SMC5: variants seen among roughly 807,000 people sequenced by gnomAD.
SMC5 encodes the protein structural maintenance of chromosomes protein 5.
Under a neutral mutation model 148.3 loss-of-function variants are expected in SMC5, and 88 were observed. The observed-to-expected ratio is 0.59, with a 90% CI of 0.50 to 0.71. SMC5 has a LOEUF of 0.71. SMC5 is among the 30% of genes least tolerant of loss of function. The probability of loss-of-function intolerance (pLI) is 0.00; values close to 1 mark genes in which losing one functional copy is unlikely to be tolerated. For synonymous variants in SMC5, 421 were observed against 432.8 expected (o/e 0.97, Z 0.34); for missense variants, 1,142 against 1,298.9 (o/e 0.88, Z 1.86).
Position 70,300,129 on chromosome 9 carries a change from G to A in SMC5, c.1393G>A (p.Asp465Asn), listed in dbSNP as rs1423113264. 6.2e-7 allele frequency: 1 copy of A among 1,603,562 alleles called. No homozygotes were observed. Among genetic ancestry groups the A allele is most frequent in the Non-Finnish European group, 8.5e-7 (1 of 1,177,062 alleles). Residue 465 changes from aspartate (D) to asparagine (N), a missense_variant, in exon 10 of 25, where the codon GAT becomes AAT. By Grantham distance (23) the Asp-to-Asn change is conservative. Around this residue, in one of 5 missense-constraint regions of SMC5, gnomAD observed 743 missense variants for 835.7 expected, o/e 0.89. Coordinates refer to ENST00000361138, the MANE Select transcript of SMC5 (RefSeq NM_015110.4). Reference sequence around the variant, plus strand: ...AAGACAGAGATTCCGTGACACGTATGATGCTGTTTTATGGCTAAGAAATAA... The same window carrying A: ...AAGACAGAGATTCCGTGACACGTATAATGCTGTTTTATGGCTAAGAAATAA... ...KLRQRFRDTYDAVLWLRNNRD... is the reference protein window; with the variant it reads ...KLRQRFRDTYNAVLWLRNNRD...
chr9:70,272,469 A>G (rs2034477664), intron 3 of SMC5, among the ~76,000 whole-genome samples: 1 of 152,160 alleles, frequency 6.6e-6, no homozygotes, highest in Admixed American at 6.5e-5. Flanking sequence ...TAATCCCAGC[A>G]CTTAGGGAGG....
At chr9:70,302,725 G>A (rs1587665990) in intron 10 of SMC5, among the ~76,000 whole-genome samples, 1 of 151,992 alleles carries the variant, frequency 6.6e-6, no homozygotes, top group East Asian at 1.9e-4. Flanking sequence ...GGATATCAGG[G>A]AAACCTCCAA....
chr9:70,301,976 G>A (rs1414195605), intron 10 of SMC5, among the ~76,000 whole-genome samples: 6 of 152,182 alleles, frequency 3.9e-5, no homozygotes, highest in Admixed American at 1.3e-4. Context: ...TGATATGACT[G>A]TGAAGTTCTA....
At chr9:70,305,133 T>TA (rs1321368781) in intron 10 of SMC5, 114 bp from the exon 11 acceptor site, 10 of 558,226 alleles carry the variant, frequency 1.8e-5, no homozygotes, top group Admixed American at 3.3e-5. Context: ...TCTTTTTTTT[T>TA]ATCTTGTTTT....
At position 70,344,178 on chromosome 9, in the gene SMC5, G is replaced by A; in HGVS notation, c.2432G>A (p.Arg811Lys). The A allele has an allele frequency of 6.4e-7, 1 of 1,555,242 alleles. No individual in the cohort carries two copies. The highest frequency in any genetic ancestry group is 8.7e-7 in the Non-Finnish European group (1 of 1,148,840). The change falls in exon 18 of 25, where the codon AGA becomes AAA. Residue 811 changes from arginine to lysine, a missense_variant. By Grantham distance (26) the Arg-to-Lys change is conservative. Transcript: ENST00000361138. ...ATTGAATTGGATGAAAATAGACAGA[G>A]ATTATTGCAGAAATGCAAGGAACTT... Reference protein sequence around the residue: ...HFIELDENRQRLLQKCKELMK... With the variant: ...HFIELDENRQKLLQKCKELMK...
chr9:70,292,440 T>C (rs542640932), intron 8 of SMC5, among the ~76,000 whole-genome samples: 31 of 152,180 alleles, frequency 2.0e-4, no homozygotes, highest in Non-Finnish European at 4.0e-4. Context: ...TAGGCAGTCA[T>C]GTCAGCTACA....
intron 7 of SMC5, 131 bp from the exon 8 acceptor site, chr9:70,286,069 T>G: frequency 1.5e-6 from 1 of 658,010 alleles, no homozygotes; most frequent in Middle Eastern, 2.5e-4. Flanking sequence ...GGTATTTTGT[T>G]GATAATTATG....
intron 17 of SMC5, among the ~76,000 whole-genome samples, chr9:70,340,027 A>G (rs562383265): frequency 2.5e-4 from 38 of 152,286 alleles, no homozygotes; most frequent in African/African-American, 8.7e-4. Context: ...TAAGTATGAT[A>G]CCTACCTAAT....
At chr9:70,328,372 G>A (rs1210648016) in intron 17 of SMC5, among the ~76,000 whole-genome samples, 7 of 152,156 alleles carry the variant, frequency 4.6e-5, no homozygotes, top group Admixed American at 3.3e-4. Context: ...TATAGTGGGG[G>A]CGCAGGCATT....
In SMC5 at chr9:70,295,331, C is replaced by T. The variant is rs540826048; in HGVS notation, c.1054-2635C>T. 1.9e-3 allele frequency among the ~76,000 whole-genome samples: 291 copies of T among 151,556 alleles called. 2 individuals are homozygous for T. Among genetic ancestry groups the T allele is most frequent in the Non-Finnish European group, 3.0e-3 (203 of 67,852 alleles). ...AAAAAAATACAAAAAATTAGCCGGG[C>T]GTGGTGGCGGGTGCCTGTAGTCCCA... On this transcript the variant is annotated intron_variant, in intron 8 of 24. Coordinates refer to ENST00000361138, the MANE Select transcript of SMC5 (RefSeq NM_015110.4).
At chr9:70,307,234 C>T (rs537265681) in intron 11 of SMC5, among the ~76,000 whole-genome samples, 2 of 152,246 alleles carry the variant, frequency 1.3e-5, no homozygotes, top group South Asian at 2.1e-4. Context: ...CTCTGCTACA[C>T]ATACAAAAAT....
intron 7 of SMC5, 33 bp downstream of exon 7, chr9:70,282,616 A>G: frequency 6.5e-7 from 1 of 1,529,034 alleles, no homozygotes; most frequent in Non-Finnish European, 8.7e-7. Flanking sequence ...GATTATCTGA[A>G]TTTTATTTTA....
chr9:70,347,785 A>G, intron 21 of SMC5, 68 bp downstream of exon 21: 1 of 1,269,192 alleles, frequency 7.9e-7, no homozygotes, highest in Admixed American at 2.5e-5. Flanking sequence ...GAATAATGGA[A>G]AATGAGATGA....
At chr9:70,291,750 A>C (rs565707508) in intron 8 of SMC5, among the ~76,000 whole-genome samples, 2 of 152,306 alleles carry the variant, frequency 1.3e-5, no homozygotes, top group East Asian at 3.9e-4. Context: ...AACAAGCCTT[A>C]TACAACTAAG....
intron 21 of SMC5, 29 bp downstream of exon 21, chr9:70,347,746 CAT>C (rs763983061): frequency 1.3e-5 from 18 of 1,375,034 alleles, no homozygotes; most frequent in South Asian, 1.1e-4. Flanking sequence ...ATCTTTTTAT[CAT>C]GTGATTATTA....
intron 10 of SMC5, among the ~76,000 whole-genome samples, chr9:70,300,487 T>G (rs926960362): frequency 6.6e-6 from 1 of 152,032 alleles, no homozygotes; most frequent in African/African-American, 2.4e-5. Flanking sequence ...CTTTTGGCGC[T>G]TGTTACTAGA....
intron 10 of SMC5, among the ~76,000 whole-genome samples, chr9:70,302,312 G>A (rs2118433612): frequency 6.6e-6 from 1 of 152,154 alleles, no homozygotes; most frequent in South Asian, 2.1e-4. Flanking sequence ...TGGCCAACAT[G>A]GTGAAACCCC....
intron 17 of SMC5, among the ~76,000 whole-genome samples, chr9:70,337,450 GTTTTTTTTT>G (rs201218742): frequency 2.5e-5 from 3 of 119,938 alleles, no homozygotes; most frequent in African/African-American, 8.5e-5. Flanking sequence ...TTTGGGATTT[GTTTTTTTTT>G]TTTTTTTTTT....
chr9:70,286,229 A>G lies in SMC5; in HGVS notation c.1011A>G (p.Lys337=). 6.2e-7 allele frequency: 1 copy of G among 1,606,226 alleles called. No individual in the cohort carries two copies. The highest frequency in any genetic ancestry group is 1.1e-5 in the South Asian group (1 of 90,090). The change falls in exon 8 of 25, where the codon AAA becomes AAG. Residue 337 remains lysine (K), a synonymous_variant. Coordinates refer to ENST00000361138, the MANE Select transcript of SMC5 (RefSeq NM_015110.4). ...CAGATATTAAGGAGGCATCTCAAAA[A>G]TGCAAACAGAAGCAAGATGTTATAG... is the stretch of plus-strand genomic sequence containing the variant. ...KATDIKEASQ[K]CKQKQDVIER...
Sources: gnomAD v4.1 joint callset for allele counts (sites outside exome capture counted in the v4.1 genomes callset) on GRCh38, gnomAD v4.1.1 for gene constraint, gnomAD v4.1.1 regional missense constraint, MANE v1.5 for transcripts, NCBI Gene and HGNC (gene_info 2026-07-23, HGNC 2026-07-21) for gene names.